Variants in NBAS observed in about 807,000 individuals in gnomAD.
NBAS encodes the protein NAG/BC035112 fusion.
NBAS carries 219 observed loss-of-function variants against 302.5 expected under a neutral mutation model. The ratio of observed to expected loss-of-function variants is 0.72; its 90% CI spans 0.65 to 0.81. The LOEUF is 0.81. Ranked by LOEUF, NBAS falls within the 30% of genes least tolerant of loss-of-function variation. NBAS has a pLI of 0.00. For missense variants in NBAS, 2,932 were observed against 2,841.6 expected, an observed-to-expected ratio of 1.03 and a Z score of -0.72; for synonymous variants, 1,118 against 1,021.6, an observed-to-expected ratio of 1.09 and a Z score of -1.80.
At chr2:15,140,795 G>T in the NBAS span, among the ~76,000 whole-genome samples, 3 of 152,150 alleles carry the variant, frequency 2.0e-5, no homozygotes, top group African/African-American at 7.2e-5. Flanking sequence ...AAGTGAAAAA[G>T]TATGTGAAAT....
chr2:15,040,369 A>G, the NBAS span, among the ~76,000 whole-genome samples: 28 of 152,174 alleles, frequency 1.8e-4, no homozygotes, highest in Non-Finnish European at 3.5e-4. Context: ...ATCTCTGATT[A>G]CCGCAAGATT....
At chr2:15,292,871 T>C in intron 40 of NBAS, 105 bp from the exon 41 acceptor site, 2 of 1,095,128 alleles carry the variant, frequency 1.8e-6, no homozygotes, top group Admixed American at 2.0e-5. Context: ...TGTTTGGCCC[T>C]GTACACTATT....
rs762158717 is a variant in NBAS, at chr2:15,287,187, C to T, written c.5028-4G>A. The stretch of plus-strand genomic sequence containing the variant: ...GTAGACGCTTTCCTCTAGAGTTCTG[C>T]AGAAATGTCCATCAAGCCCAGGAAG... On this transcript the variant is annotated splice_polypyrimidine_tract_variant and splice_region_variant and intron_variant, in intron 41 of 51. Coordinates refer to ENST00000281513, the MANE Select transcript of NBAS (RefSeq NM_015909.4). The T allele has an allele frequency of 6.2e-7, 1 of 1,607,754 alleles. No homozygotes were observed. Among genetic ancestry groups the T allele is most frequent in the South Asian group, 1.1e-5 (1 of 90,946 alleles).
At chr2:15,325,726 G>C (rs1368365745) in intron 38 of NBAS, among the ~76,000 whole-genome samples, 1 of 152,132 alleles carries the variant, frequency 6.6e-6, no homozygotes, top group Non-Finnish European at 1.5e-5. Context: ...TATCATCTGC[G>C]TGTTCACTGG....
At chr2:15,412,141 T>G (rs1389307749) in intron 25 of NBAS, among the ~76,000 whole-genome samples, 4 of 152,190 alleles carry the variant, frequency 2.6e-5, no homozygotes, top group African/African-American at 9.6e-5. Flanking sequence ...TTCTTTATCA[T>G]TATGACTCTG....
chr2:14,958,384 A>G, the NBAS span, among the ~76,000 whole-genome samples: 2 of 152,178 alleles, frequency 1.3e-5, no homozygotes, highest in Non-Finnish European at 2.9e-5. Context: ...TGACAACTCA[A>G]TCAGCAGAAC....
chr2:15,001,819 G>A, the NBAS span, among the ~76,000 whole-genome samples: 1 of 152,044 alleles, frequency 6.6e-6, no homozygotes, highest in African/African-American at 2.4e-5. Context: ...AGACCTTCGC[G>A]GTGAGTGTTA....
chr2:14,854,270 A>T, the NBAS span, among the ~76,000 whole-genome samples: 1 of 152,082 alleles, frequency 6.6e-6, no homozygotes, highest in African/African-American at 2.4e-5. Flanking sequence ...CATCTTAATT[A>T]AAAAAGCAAG....
At chr2:15,195,893 G>GC (rs1453602166) in intron 48 of NBAS, among the ~76,000 whole-genome samples, 1 of 152,186 alleles carries the variant, frequency 6.6e-6, no homozygotes, top group Non-Finnish European at 1.5e-5. Context: ...TGCGCACACA[G>GC]CCCCTTCCAA....
At chr2:14,868,512 A>G in the NBAS span, among the ~76,000 whole-genome samples, 4 of 152,206 alleles carry the variant, frequency 2.6e-5, no homozygotes, top group African/African-American at 9.6e-5. Flanking sequence ...TATTACTGAA[A>G]AAGCCTTCTC....
At chr2:15,540,164 G>T (rs765393700) in intron 6 of NBAS, among the ~76,000 whole-genome samples, 1 of 152,144 alleles carries the variant, frequency 6.6e-6, no homozygotes, top group African/African-American at 2.4e-5. Context: ...TAGGTAGATA[G>T]ACAAGTGTTC....
chr2:14,808,644 G>A, the NBAS span, among the ~76,000 whole-genome samples: 24 of 152,276 alleles, frequency 1.6e-4, no homozygotes, highest in Admixed American at 1.3e-3. Flanking sequence ...GCCCAGTCTT[G>A]GGTATGTCTC....
At chr2:14,915,966 A>T in the NBAS span, among the ~76,000 whole-genome samples, 1 of 152,132 alleles carries the variant, frequency 6.6e-6, no homozygotes, top group Non-Finnish European at 1.5e-5. Context: ...CATGATTGTG[A>T]GGCCTCCCCA....
At position 15,179,271 on chromosome 2, in the gene NBAS, G is replaced by A. The variant is rs926642205; in HGVS notation, c.6712-155C>T. On this transcript the variant is annotated intron_variant, in intron 50 of 51. Transcript: ENST00000281513. ...CGCACTGGATATACTGAATATGGGC[G>A]TTGGTACCTGCTTCACTTGGTTCAC... is the stretch of plus-strand genomic sequence containing the variant. 2.3e-5 allele frequency: 25 copies of A among 1,069,316 alleles called. No individual in the cohort carries two copies. In the East Asian group the frequency reaches 4.8e-4, roughly 20 times the overall value. 66.2% of individuals were successfully genotyped at this position (1,069,316 alleles called of 1,614,324 possible). A position where few individuals can be genotyped will look rare whatever the true frequency, so the allele number is the denominator to read the frequency against.
intron 44 of NBAS, among the ~76,000 whole-genome samples, chr2:15,246,598 G>C (rs1027013340): frequency 1.1e-4 from 17 of 152,204 alleles, no homozygotes; most frequent in Non-Finnish European, 2.5e-4. Flanking sequence ...ATTCCTGTAA[G>C]AAGGCCCTAG....
At chr2:15,513,423 T>C (rs1662234177) in intron 9 of NBAS, among the ~76,000 whole-genome samples, 1 of 152,128 alleles carries the variant, frequency 6.6e-6, no homozygotes, top group Non-Finnish European at 1.5e-5. Flanking sequence ...ATGATTCTAT[T>C]ACAGTAAAAT....
At chr2:14,862,664 A>C in the NBAS span, among the ~76,000 whole-genome samples, 2 of 152,238 alleles carry the variant, frequency 1.3e-5, no homozygotes, top group African/African-American at 4.8e-5. Flanking sequence ...AAAATCGCCT[A>C]GTACAATGTT....
chr2:15,209,703 A>G (rs1235128846), intron 48 of NBAS, among the ~76,000 whole-genome samples: 2 of 152,178 alleles, frequency 1.3e-5, no homozygotes, highest in Non-Finnish European at 2.9e-5. Context: ...TGGAGGAATC[A>G]TATTACCTGA....
the NBAS span, among the ~76,000 whole-genome samples, chr2:14,852,708 T>G: frequency 6.7e-6 from 1 of 149,194 alleles, no homozygotes; most frequent in Admixed American, 6.7e-5. Context: ...AGCATGGGAC[T>G]GGTACCAAAA....
Sources: allele counts gnomAD v4.1 joint callset (sites outside exome capture counted in the v4.1 genomes callset), GRCh38; gene constraint gnomAD v4.1.1; transcripts MANE v1.5; gene names NCBI Gene and HGNC (gene_info 2026-07-23, HGNC 2026-07-21).